Variants in MALRD1 observed in about 807,000 individuals in gnomAD.
MALRD1 encodes MAM and LDL-receptor class A domain-containing protein 1.
A neutral mutation model predicts 242.1 loss-of-function variants in MALRD1; 247 were observed. That is an observed-to-expected ratio of 1.02 (90% CI 0.92 to 1.13). The LOEUF (loss-of-function observed/expected upper bound fraction) is 1.13, where lower values mean the gene tolerates loss of function less well. Among genes scored for constraint, MALRD1 ranks in the 50% most tolerant of loss-of-function variants. The pLI is 0.00. For missense variants in MALRD1, 2,989 were observed against 2,533.1 expected, an observed-to-expected ratio of 1.18 and a Z score of -3.86; for synonymous variants, 995 against 866.6, an observed-to-expected ratio of 1.15 and a Z score of -2.60.
At chr10:19,421,505 C>A (rs1211352679) in intron 28 of MALRD1, among the ~76,000 whole-genome samples, 1 of 152,068 alleles carries the variant, frequency 6.6e-6, no homozygotes, top group Non-Finnish European at 1.5e-5. Context: ...GATACCAAGT[C>A]CTGTAATTAC....
At chr10:19,289,839 G>T (rs186505720) in intron 21 of MALRD1, among the ~76,000 whole-genome samples, 2 of 152,260 alleles carry the variant, frequency 1.3e-5, no homozygotes, top group Non-Finnish European at 2.9e-5. Context: ...TAGTTCTCAA[G>T]ATTAGTTTTA....
chr10:19,261,288 AC>A (rs1564511024), intron 19 of MALRD1, among the ~76,000 whole-genome samples: 1 of 152,126 alleles, frequency 6.6e-6, no homozygotes, highest in East Asian at 1.9e-4. Context: ...AATAAAAAAA[AC>A]TTGAAAAACT....
At chr10:19,104,943 A>C (rs1345522450) in intron 5 of MALRD1, among the ~76,000 whole-genome samples, 1 of 152,108 alleles carries the variant, frequency 6.6e-6, no homozygotes, top group Non-Finnish European at 1.5e-5. Context: ...TGTGATGTTA[A>C]ATACATGTAT....
chr10:19,323,891 G>A (rs961387568), intron 21 of MALRD1, 58 bp from the exon 22 acceptor site: 28 of 1,500,198 alleles, frequency 1.9e-5, no homozygotes, highest in East Asian at 7.4e-5. Flanking sequence ...GATTACAGGC[G>A]TGAGCCACCG....
Position 19,389,587 on chromosome 10 carries a change from G to A in MALRD1, c.4823G>A (p.Gly1608Glu), listed in dbSNP as rs1213336196. The A allele has an allele frequency of 1.3e-6, 2 of 1,550,232 alleles. No individual in the cohort carries two copies. The highest frequency in any genetic ancestry group is 1.2e-5 in the South Asian group (1 of 84,026). ...FWYFVSAKAT[G>E]SIQILIKTEK... ...TATTTCGTATCTGCAAAGGCCACAG[G>A]ATCCATTCAGATTCTCATCAAGGTA... Residue 1608 changes from glycine to glutamate, a missense_variant, in exon 28 of 40, where the codon GGA becomes GAA. Transcript: ENST00000454679.
At chr10:19,179,256 A>G (rs1835390805) in intron 14 of MALRD1, among the ~76,000 whole-genome samples, 1 of 152,226 alleles carries the variant, frequency 6.6e-6, no homozygotes, top group South Asian at 2.1e-4. Context: ...CAACAGGCAT[A>G]CATTTTCAGT....
chr10:19,661,312 A>G (rs1479827909), intron 36 of MALRD1, among the ~76,000 whole-genome samples: 1 of 152,150 alleles, frequency 6.6e-6, no homozygotes, highest in African/African-American at 2.4e-5. Flanking sequence ...TATAAATCAT[A>G]CTGCTATAAA....
intron 36 of MALRD1, among the ~76,000 whole-genome samples, chr10:19,692,069 A>G (rs1842846256): frequency 6.6e-6 from 1 of 152,180 alleles, no homozygotes; most frequent in Admixed American, 6.6e-5. Context: ...GAAGATGAAT[A>G]TTGAAGAAAA....
chr10:19,540,149 A>G (rs976461236), intron 32 of MALRD1, among the ~76,000 whole-genome samples: 1 of 152,018 alleles, frequency 6.6e-6, no homozygotes, highest in African/African-American at 2.4e-5. Context: ...AGAATCTGTC[A>G]TTAGATCTAC....
At chr10:19,441,249 A>C (rs1329464156) in intron 28 of MALRD1, among the ~76,000 whole-genome samples, 2 of 152,158 alleles carry the variant, frequency 1.3e-5, no homozygotes, top group East Asian at 1.9e-4. Context: ...AGTCCTTTGT[A>C]AGATGGGTAG....
At chr10:19,097,352 C>T (rs1432610732) in intron 4 of MALRD1, among the ~76,000 whole-genome samples, 1 of 152,112 alleles carries the variant, frequency 6.6e-6, no homozygotes, top group African/African-American at 2.4e-5. Context: ...GAAAAAAAAG[C>T]CCAACCTCTA....
At chr10:19,557,984 TATAA>T (rs1835801936) in intron 32 of MALRD1, among the ~76,000 whole-genome samples, 1 of 152,098 alleles carries the variant, frequency 6.6e-6, no homozygotes, top group African/African-American at 2.4e-5. Flanking sequence ...TTGTTAGATT[TATAA>T]ATATATATTT....
At chr10:19,077,883 A>G (rs1835365588) in intron 2 of MALRD1, among the ~76,000 whole-genome samples, 1 of 152,074 alleles carries the variant, frequency 6.6e-6, no homozygotes, top group East Asian at 1.9e-4. Context: ...CAATGATAAT[A>G]AAATTCACTT....
intron 4 of MALRD1, among the ~76,000 whole-genome samples, chr10:19,094,135 C>G (rs1333934390): frequency 7.4e-5 from 8 of 108,290 alleles, no homozygotes; most frequent in East Asian, 5.5e-4. Flanking sequence ...TGGAGCTTCC[C>G]GGCTGCTTTG....
Position 19,049,111 on chromosome 10 carries a change from G to A in MALRD1, c.173G>A (p.Cys58Tyr), listed in dbSNP as rs1834411221. 1 of 1,233,800 alleles carries A rather than the reference G, an allele frequency of 8.1e-7. No homozygotes were observed. The highest frequency in any genetic ancestry group is 1.6e-5 in the African/African-American group (1 of 64,492). 76.4% of individuals were successfully genotyped at this position (1,233,800 alleles called of 1,614,324 possible). ...PDSICDFTDQ[C>Y]GDSSDERHCL... ...AGCATTTGTGACTTCACAGATCAGTGTGGGGATAGCAGTGATGAACGGCAC... is the reference window on the plus strand; with the variant it reads ...AGCATTTGTGACTTCACAGATCAGTATGGGGATAGCAGTGATGAACGGCAC... The change falls in exon 1 of 40, where the codon TGT becomes TAT. Residue 58 changes from cysteine (C) to tyrosine (Y), a missense_variant. Cys to Tyr is a radical substitution (Grantham distance 194, BLOSUM62 -2). Coordinates refer to ENST00000454679, the MANE Select transcript of MALRD1 (RefSeq NM_001142308.3).
chr10:19,327,436 C>T, intron 22 of MALRD1, 127 bp from the exon 23 acceptor site: 1 of 623,342 alleles, frequency 1.6e-6, no homozygotes, highest in Non-Finnish European at 2.8e-6. Flanking sequence ...AATATCTTAG[C>T]TCTTCTCTCC....
intron 36 of MALRD1, among the ~76,000 whole-genome samples, chr10:19,626,863 A>T (rs1254925928): frequency 6.6e-6 from 1 of 152,170 alleles, no homozygotes; most frequent in Non-Finnish European, 1.5e-5. Flanking sequence ...ATTTTGAAAT[A>T]GGCAGTTGGA....
intron 11 of MALRD1, among the ~76,000 whole-genome samples, chr10:19,148,841 A>G (rs1258256823): frequency 6.8e-6 from 1 of 147,422 alleles, no homozygotes; most frequent in African/African-American, 2.5e-5. Flanking sequence ...CTCTTTACCC[A>G]TGATTGCCAT....
intron 33 of MALRD1, among the ~76,000 whole-genome samples, chr10:19,570,711 A>C (rs1176494759): frequency 6.6e-6 from 1 of 152,202 alleles, no homozygotes; most frequent in East Asian, 1.9e-4. Context: ...AAAGTGTGAA[A>C]CCAATTTTAA....
Sources: allele counts gnomAD v4.1 joint callset (sites outside exome capture counted in the v4.1 genomes callset), GRCh38; gene constraint gnomAD v4.1.1; transcripts MANE v1.5; gene names NCBI Gene and HGNC (gene_info 2026-07-23, HGNC 2026-07-21).